Variants in LRRIQ1 observed in about 807,000 individuals in gnomAD.
The protein encoded by LRRIQ1 is leucine rich repeats and IQ motif containing 1, also known as leucine-rich repeat- and IQ domain-containing protein 1.
A neutral mutation model predicts 211.9 loss-of-function variants in LRRIQ1; 210 were observed. That is an observed-to-expected ratio of 0.99 (90% CI 0.89 to 1.11). The LOEUF (loss-of-function observed/expected upper bound fraction) is 1.11, where lower values mean the gene tolerates loss of function less well. Ranked by LOEUF, LRRIQ1 falls within the 50% of genes most tolerant of loss-of-function variation. LRRIQ1 has a pLI of 0.00. For missense variants in LRRIQ1, 2,136 were observed against 1,939.5 expected, an observed-to-expected ratio of 1.10 and a Z score of -1.90; for synonymous variants, 699 against 650.1, an observed-to-expected ratio of 1.08 and a Z score of -1.14.
At chr12:85,203,017 C>T (rs1354005314) in intron 24 of LRRIQ1, among the ~76,000 whole-genome samples, 3 of 152,170 alleles carry the variant, frequency 2.0e-5, no homozygotes, top group African/African-American at 7.2e-5. Context: ...TGTCCCCACA[C>T]AAACCTCATC....
rs1379597590 is a variant in LRRIQ1, at chr12:85,253,655, A to G, written c.121+8746A>G. Among the ~76,000 whole-genome samples the G allele has an allele frequency of 2.6e-5, 4 of 152,092 alleles. No homozygotes were observed. In the South Asian group the frequency reaches 6.2e-4, roughly 24 times the overall value. On this transcript the variant is annotated intron_variant, in intron 1 of 1. Transcript: ENST00000602731. ...TTATAAATTTACAGTTTTACATAAAATAGTAGGCCAAAGATGTAGACAGAT... is the reference window on the plus strand; with the variant it reads ...TTATAAATTTACAGTTTTACATAAAGTAGTAGGCCAAAGATGTAGACAGAT...
chr12:85,172,619 T>C lies in LRRIQ1; in HGVS notation c.4822+11905T>C, dbSNP rs529059267. ...TTTCTGTGGAGGTATTTTTAAGATA[T>C]AGATGAGCAAATATGGGAATATTAG... On this transcript the variant is annotated intron_variant, in intron 24 of 26. Transcript: ENST00000393217. Among the ~76,000 whole-genome samples the C allele has an allele frequency of 4.9e-4, 74 of 152,196 alleles. 2 individuals carry two copies. In the South Asian group the frequency reaches 0.012, roughly 25 times the overall value.
rs147264220 is a variant in LRRIQ1, at chr12:85,238,732, G to A, written c.5016+5976G>A. On this transcript the variant is annotated intron_variant, in intron 26 of 26. Coordinates refer to ENST00000393217, the MANE Select transcript of LRRIQ1 (RefSeq NM_001079910.2). Reference sequence around the variant, plus strand: ...AATTCATAGAAAATTAGGACTAGAAGACACTTTCTTAACTTGATATACTTA... The same window carrying A: ...AATTCATAGAAAATTAGGACTAGAAAACACTTTCTTAACTTGATATACTTA... Among the ~76,000 whole-genome samples the A allele has an allele frequency of 5.3e-5, 8 of 152,132 alleles. No individual in the cohort carries two copies. The East Asian group carries it at 9.7e-4, about 18-fold the overall frequency.
At chr12:85,150,886 A>G (rs1890197990) in intron 19 of LRRIQ1, among the ~76,000 whole-genome samples, 1 of 151,678 alleles carries the variant, frequency 6.6e-6, no homozygotes, top group Admixed American at 6.6e-5. Context: ...TGAGATTTTG[A>G]AATATGTATA....
At chr12:85,089,606 G>A (rs144315140) in intron 11 of LRRIQ1, among the ~76,000 whole-genome samples, 1 of 152,148 alleles carries the variant, frequency 6.6e-6, no homozygotes, top group African/African-American at 2.4e-5. Flanking sequence ...TGATTGTTGG[G>A]CATTTGGACT....
chr12:85,252,562 G>T (rs773217213), intron 1 of LRRIQ1, among the ~76,000 whole-genome samples: 1 of 151,662 alleles, frequency 6.6e-6, no homozygotes, highest in Non-Finnish European at 1.5e-5. Context: ...TTCTTTAAGA[G>T]AAATTTAAGT....
intron 24 of LRRIQ1, among the ~76,000 whole-genome samples, chr12:85,207,429 C>A (rs1230999907): frequency 6.6e-6 from 1 of 152,086 alleles, no homozygotes; most frequent in African/African-American, 2.4e-5. Flanking sequence ...GATAACAGTC[C>A]TTTATCAGCT....
At chr12:85,062,504 A>C (rs1222860384) in intron 8 of LRRIQ1, among the ~76,000 whole-genome samples, 1 of 151,390 alleles carries the variant, frequency 6.6e-6, no homozygotes, top group Non-Finnish European at 1.5e-5. Flanking sequence ...TCCACTTGCA[A>C]CCATGTTGCT....
rs550224856 is a variant in LRRIQ1, at chr12:85,204,291, G to A, written c.4823-25226G>A. The stretch of plus-strand genomic sequence containing the variant: ...AGGCAAAAGTTTGCTACAGAGACAG[G>A]GCTCTCATGGAGAACTTCTGCTAGG... On this transcript the variant is annotated intron_variant, in intron 24 of 26. Coordinates refer to ENST00000393217, the MANE Select transcript of LRRIQ1 (RefSeq NM_001079910.2). 8.5e-5 allele frequency among the ~76,000 whole-genome samples: 13 copies of A among 152,266 alleles called. No homozygotes were observed. In the South Asian group the frequency reaches 1.7e-3, roughly 19 times the overall value.
At chr12:85,135,025 A>G (rs1889022733) in intron 18 of LRRIQ1, among the ~76,000 whole-genome samples, 1 of 152,024 alleles carries the variant, frequency 6.6e-6, no homozygotes, top group Admixed American at 6.6e-5. Flanking sequence ...CTATCACCAA[A>G]TATCATATCA....
At chr12:85,217,782 A>C (rs185320883) in intron 24 of LRRIQ1, among the ~76,000 whole-genome samples, 2,892 of 124,026 alleles carry the variant, frequency 0.023, 91 homozygotes, top group African/African-American at 0.11. Context: ...GTCTCTCTCT[A>C]TATATATATG....
intron 13 of LRRIQ1, among the ~76,000 whole-genome samples, chr12:85,102,137 A>G (rs1043376341): frequency 1.6e-4 from 24 of 151,662 alleles, no homozygotes; most frequent in Admixed American, 6.6e-5. Context: ...TTATATTTAT[A>G]TATATATTGC....
At chr12:85,211,004 T>C (rs11116746) in intron 24 of LRRIQ1, among the ~76,000 whole-genome samples, 2 of 152,348 alleles carry the variant, frequency 1.3e-5, no homozygotes, top group East Asian at 3.9e-4. Context: ...CTCCTTCACT[T>C]TACCTTTGTA....
chr12:85,073,180 C>A, intron 11 of LRRIQ1, 82 bp downstream of exon 11: 2 of 863,178 alleles, frequency 2.3e-6, no homozygotes, highest in Non-Finnish European at 3.4e-6. Flanking sequence ...TAGGCAGTCA[C>A]CATCATCTCC....
In LRRIQ1 at chr12:85,216,325, C is replaced by G. The variant is rs1024840689; in HGVS notation, c.4823-13192C>G. Among the ~76,000 whole-genome samples, 8 of 152,174 alleles carry G rather than the reference C, an allele frequency of 5.3e-5. No individual in the cohort carries two copies. In the South Asian group the frequency reaches 1.2e-3, roughly 24 times the overall value. ...TGATGGCTTCCAGCTTCATCTATGTCCCTGCAAAGGACATGAACTTCTTCT... is the reference window on the plus strand; with the variant it reads ...TGATGGCTTCCAGCTTCATCTATGTGCCTGCAAAGGACATGAACTTCTTCT... On this transcript the variant is annotated intron_variant, in intron 24 of 26. Transcript: ENST00000393217.
downstream of LRRIQ1, among the ~76,000 whole-genome samples, chr12:85,266,508 G>GGAACCAGAATTTTACCC (rs1474224627): frequency 2.0e-5 from 3 of 151,988 alleles, no homozygotes; most frequent in Admixed American, 6.6e-5. Context: ...TACATTACTG[G>GGAACCAGAATTTTACCC]GAACCAGAAT....
At chr12:85,134,787 A>G (rs185381536) in intron 18 of LRRIQ1, among the ~76,000 whole-genome samples, 15 of 152,214 alleles carry the variant, frequency 9.9e-5, no homozygotes, top group African/African-American at 3.6e-4. Context: ...TCAAAAGTAC[A>G]GAGAAGATCC....
At chr12:85,150,045 G>A (rs1003945592) in intron 19 of LRRIQ1, among the ~76,000 whole-genome samples, 1 of 151,754 alleles carries the variant, frequency 6.6e-6, no homozygotes, top group African/African-American at 2.4e-5. Flanking sequence ...CTGCTGAAGA[G>A]AGAAAACAGC....
At chr12:85,185,466 A>G (rs1892181038) in intron 24 of LRRIQ1, among the ~76,000 whole-genome samples, 1 of 152,048 alleles carries the variant, frequency 6.6e-6, no homozygotes, top group East Asian at 1.9e-4. Flanking sequence ...TATTTTAAAG[A>G]TGATTTGTGA....
Sources: allele counts gnomAD v4.1 joint callset (sites outside exome capture counted in the v4.1 genomes callset), GRCh38; gene constraint gnomAD v4.1.1; transcripts MANE v1.5; gene names NCBI Gene and HGNC (gene_info 2026-07-23, HGNC 2026-07-21).